The following RORA variants were observed in gnomAD, a reference collection of about 807,000 sequenced individuals.
RORA encodes the protein RAR related orphan receptor A.
In RORA, 7 loss-of-function variants were observed where a neutral mutation model predicts 69.5. The ratio of observed to expected loss-of-function variants is 0.10; its 90% CI spans 0.06 to 0.19. The LOEUF is 0.19. Ranked by LOEUF, RORA falls within the 10% of genes least tolerant of loss-of-function variation. The probability of loss-of-function intolerance (pLI) is 1.00; values close to 1 mark genes in which losing one functional copy is unlikely to be tolerated. For synonymous variants in RORA, 261 were observed against 240.8 expected, an observed-to-expected ratio of 1.08 and a Z score of -0.78; for missense variants, 457 against 663.0, an observed-to-expected ratio of 0.69 and a Z score of 3.41.
At chr15:60,899,175 C>T (rs1380080424) in intron 1 of RORA, among the ~76,000 whole-genome samples, 1 of 152,210 alleles carries the variant, frequency 6.6e-6, no homozygotes, top group Non-Finnish European at 1.5e-5. Context: ...ATGTCATTTT[C>T]CAACTTCATC....
At chr15:60,652,084 G>C (rs1307419404) in intron 2 of RORA, among the ~76,000 whole-genome samples, 1 of 150,716 alleles carries the variant, frequency 6.6e-6, no homozygotes, top group Non-Finnish European at 1.5e-5. Flanking sequence ...CCTGTTAGGT[G>C]TCCTCTGTGC....
chr15:61,179,272 G>C (rs912299151), intron 1 of RORA, among the ~76,000 whole-genome samples: 1 of 152,150 alleles, frequency 6.6e-6, no homozygotes, highest in Admixed American at 6.5e-5. Context: ...ATAATACTTT[G>C]ACAAATAGTA....
Position 60,712,699 on chromosome 15 carries a change from A to G in RORA, c.167-34013T>C, listed in dbSNP as rs1489698068. 5.3e-5 allele frequency among the ~76,000 whole-genome samples: 8 copies of G among 152,322 alleles called. No individual in the cohort carries two copies. The East Asian group carries it at 1.5e-3, about 29-fold the overall frequency. ...CTTTCTTGCAAACTGCACAAGACTCAACACAGTCCTACTGCTTCCAGGAAG... is the reference window on the plus strand; with the variant it reads ...CTTTCTTGCAAACTGCACAAGACTCGACACAGTCCTACTGCTTCCAGGAAG... On this transcript the variant is annotated intron_variant, in intron 1 of 10. Coordinates refer to ENST00000335670, the MANE Select transcript of RORA (RefSeq NM_134261.3).
chr15:60,561,207 G>A (rs371791511), intron 2 of RORA, among the ~76,000 whole-genome samples: 8 of 151,234 alleles, frequency 5.3e-5, no homozygotes, highest in Middle Eastern at 6.8e-3. Context: ...TCAGCCTCCC[G>A]AGTAGCTGGG....
At chr15:61,043,688 A>C (rs942540020) in intron 1 of RORA, among the ~76,000 whole-genome samples, 1 of 152,208 alleles carries the variant, frequency 6.6e-6, no homozygotes, top group Non-Finnish European at 1.5e-5. Context: ...CTGCCAGTAA[A>C]GATAAAGTAC....
chr15:61,223,335 A>AAAT (rs1269275081), intron 1 of RORA, among the ~76,000 whole-genome samples: 1 of 151,386 alleles, frequency 6.6e-6, no homozygotes, highest in Non-Finnish European at 1.5e-5. Context: ...AAAAAAAAAA[A>AAAT]ATGACTTTAC....
In RORA at chr15:60,923,718, C is replaced by T. The variant is rs535459739; in HGVS notation, c.167-245032G>A. ...TTCCGAACGCTCCACAGCAACAAAA[C>T]TTTGTTTTTCCCGTTGCCCCATACC... On this transcript the variant is annotated intron_variant, in intron 1 of 10. Coordinates refer to ENST00000335670, the MANE Select transcript of RORA (RefSeq NM_134261.3). Among the ~76,000 whole-genome samples, 121 of 152,348 alleles carry T rather than the reference C, an allele frequency of 7.9e-4. 1 individual carries two copies. The highest frequency in any genetic ancestry group is 2.7e-3 in the Admixed American group (42 of 15,300).
At chr15:61,214,177 A>G (rs1000316473) in intron 1 of RORA, 4 of 152,244 alleles carry the variant, frequency 2.6e-5, no homozygotes, top group Non-Finnish European at 4.4e-5. Flanking sequence ...TGTGTTTGCT[A>G]CTAAGAAAAT....
intron 1 of RORA, among the ~76,000 whole-genome samples, chr15:61,060,466 A>G (rs550917278): frequency 1.3e-4 from 20 of 152,192 alleles, no homozygotes; most frequent in African/African-American, 4.6e-4. Context: ...TTTCAGGTAC[A>G]CCTCAGGGTA....
At chr15:60,852,106 G>A (rs564577364) in intron 1 of RORA, among the ~76,000 whole-genome samples, 95 of 152,310 alleles carry the variant, frequency 6.2e-4, no homozygotes, top group African/African-American at 2.2e-3. Context: ...TGGCACACCA[G>A]CGCTTGAACC....
At chr15:61,035,402 C>T (rs113931450) in intron 1 of RORA, among the ~76,000 whole-genome samples, 32 of 152,118 alleles carry the variant, frequency 2.1e-4, no homozygotes, top group Admixed American at 6.5e-5. Flanking sequence ...TTTAATCTAA[C>T]GACAATAAAG....
At chr15:61,029,505 T>C (rs1896026758) in intron 1 of RORA, among the ~76,000 whole-genome samples, 1 of 152,126 alleles carries the variant, frequency 6.6e-6, no homozygotes, top group African/African-American at 2.4e-5. Flanking sequence ...GAAAAGATCA[T>C]TCTGGCTAAA....
intron 2 of RORA, among the ~76,000 whole-genome samples, chr15:60,625,062 C>T (rs1254661527): frequency 6.6e-6 from 1 of 152,050 alleles, no homozygotes; most frequent in Non-Finnish European, 1.5e-5. Context: ...TTCAAACCAC[C>T]AAAGACTAAA....
At chr15:61,034,188 G>A (rs1052533997) in intron 1 of RORA, among the ~76,000 whole-genome samples, 13 of 152,154 alleles carry the variant, frequency 8.5e-5, no homozygotes, top group African/African-American at 3.1e-4. Flanking sequence ...ATCCTAGAAG[G>A]AAGAAATGTG....
intron 1 of RORA, among the ~76,000 whole-genome samples, chr15:60,925,170 C>T (rs1430137277): frequency 6.6e-6 from 1 of 151,636 alleles, no homozygotes; most frequent in African/African-American, 2.4e-5. Flanking sequence ...GAGGAAGTGC[C>T]TCCTTATCAC....
In RORA at chr15:60,494,931, T is replaced by G. The variant is rs947559309; in HGVS notation, c.*2524A>C. ...TCACCCTTAGAGAAATTCAATTAGC[T>G]TTTATTATTTCACAAATCGACACTG... On this transcript the variant is annotated 3_prime_UTR_variant, in exon 11 of 11. Transcript: ENST00000335670. The G allele has an allele frequency of 4.6e-5, 7 of 152,352 alleles. No individual in the cohort carries two copies. Among genetic ancestry groups the G allele is most frequent in the African/African-American group, 7.2e-5 (3 of 41,576 alleles). 9.4% of individuals were successfully genotyped at this position (152,352 alleles called of 1,614,324 possible).
chr15:61,033,311 G>A (rs1266979320), intron 1 of RORA, among the ~76,000 whole-genome samples: 1 of 152,060 alleles, frequency 6.6e-6, no homozygotes, highest in Non-Finnish European at 1.5e-5. Context: ...TCTGTTCTCA[G>A]ATTGTTCAGA....
intron 4 of RORA, 107 bp downstream of exon 4, chr15:60,514,509 A>G: frequency 9.1e-7 from 1 of 1,095,050 alleles, no homozygotes; most frequent in African/African-American, 1.6e-5. Flanking sequence ...AAGGTGGAAT[A>G]ATGAGGAGGG....
intron 1 of RORA, among the ~76,000 whole-genome samples, chr15:60,851,439 G>A (rs1466969914): frequency 1.3e-5 from 2 of 152,160 alleles, no homozygotes; most frequent in African/African-American, 4.8e-5. Flanking sequence ...TGTGTTGGCA[G>A]CCAGGTGCCT....
Sources: allele counts gnomAD v4.1 joint callset (sites outside exome capture counted in the v4.1 genomes callset), GRCh38; gene constraint gnomAD v4.1.1; transcripts MANE v1.5; gene names NCBI Gene and HGNC (gene_info 2026-07-23, HGNC 2026-07-21).